PLSCR2: variants seen among roughly 807,000 people sequenced by gnomAD.
PLSCR2 encodes phospholipid scramblase 2.
A neutral mutation model predicts 25.3 loss-of-function variants in PLSCR2; 18 were observed. The observed-to-expected ratio is 0.71, with a 90% CI of 0.49 to 1.06. PLSCR2 has a LOEUF of 1.06. Ranked by LOEUF, PLSCR2 falls within the 50% of genes least tolerant of loss-of-function variation. The pLI is 0.00. For synonymous variants in PLSCR2, 88 were observed against 87.3 expected, an observed-to-expected ratio of 1.01 and a Z score of -0.04; for missense variants, 243 against 269.5, an observed-to-expected ratio of 0.90 and a Z score of 0.69.
At chr3:146,479,896 A>G (rs112290799) in intron 1 of PLSCR2, among the ~76,000 whole-genome samples, 6,397 of 152,338 alleles carry the variant, frequency 0.042, 195 homozygotes, top group Admixed American at 0.089. Flanking sequence ...CTCTCAGACC[A>G]CAGTACAATC....
At chr3:146,411,992 CAAGTTA>C (rs1416076713) in intron 2 of PLSCR2, among the ~76,000 whole-genome samples, 1 of 151,274 alleles carries the variant, frequency 6.6e-6, no homozygotes, top group Non-Finnish European at 1.5e-5. Flanking sequence ...TCAGCTTGCA[CAAGTTA>C]AGTCCTTGAG....
chr3:146,408,282 A>C (rs970249922), intron 2 of PLSCR2, among the ~76,000 whole-genome samples: 1 of 152,090 alleles, frequency 6.6e-6, no homozygotes, highest in Admixed American at 6.5e-5. Flanking sequence ...CCTTTTTAGC[A>C]ACTCCTTGGC....
At chr3:146,485,832 G>T (rs1277247639) in intron 1 of PLSCR2, among the ~76,000 whole-genome samples, 1 of 152,064 alleles carries the variant, frequency 6.6e-6, no homozygotes, top group East Asian at 1.9e-4. Context: ...ATGGCGGAAG[G>T]CAAGGAGGAG....
chr3:146,407,279 A>G (rs986514563), intron 2 of PLSCR2, among the ~76,000 whole-genome samples: 2 of 152,172 alleles, frequency 1.3e-5, no homozygotes, highest in East Asian at 3.9e-4. Flanking sequence ...ATCAGACCTT[A>G]TGGTAGCAGG....
In PLSCR2 at chr3:146,403,759, C is replaced by T. The variant is rs140850472; in HGVS notation, c.101-7838G>A. On this transcript the variant is annotated intron_variant and NMD_transcript_variant, in intron 2 of 3. Coordinates refer to the PLSCR2 transcript ENST00000463633. ...AAAACCCGATTTATTTCTCACAGTT[C>T]TAGAGGCTTGGAAGTCCAAAGCTGA... is the stretch of plus-strand genomic sequence containing the variant. 9.9e-3 allele frequency among the ~76,000 whole-genome samples: 1,513 copies of T among 152,178 alleles called. 20 individuals carry two copies. The highest frequency in any genetic ancestry group is 0.024 in the African/African-American group (1,012 of 41,508).
chr3:146,458,453 T>C (rs750218329), exon 3 of PLSCR2: 2 of 1,456,930 alleles, frequency 1.4e-6, no homozygotes, highest in Admixed American at 2.2e-5. Context: ...ATCATATCTA[T>C]CTATTATAGT....
At chr3:146,447,102 C>G (rs1449742397) in intron 6 of PLSCR2, among the ~76,000 whole-genome samples, 1 of 152,188 alleles carries the variant, frequency 6.6e-6, no homozygotes, top group Admixed American at 6.5e-5. Flanking sequence ...GGGCTCCCCC[C>G]TGGCCCAGCA....
At chr3:146,424,414 T>TG (rs1247641367) in intron 2 of PLSCR2, among the ~76,000 whole-genome samples, 10 of 152,082 alleles carry the variant, frequency 6.6e-5, no homozygotes, top group African/African-American at 2.4e-4. Flanking sequence ...ATATGAATTT[T>TG]TGGGGGACAC....
intron 1 of PLSCR2, among the ~76,000 whole-genome samples, chr3:146,472,152 A>C (rs2042138958): frequency 6.6e-6 from 1 of 152,172 alleles, no homozygotes; most frequent in African/African-American, 2.4e-5. Flanking sequence ...AGTCATTTGA[A>C]ATTTTTAAGA....
intron 2 of PLSCR2, among the ~76,000 whole-genome samples, chr3:146,417,101 C>T (rs921535706): frequency 2.6e-5 from 4 of 152,144 alleles, no homozygotes; most frequent in African/African-American, 7.2e-5. Flanking sequence ...GAATGCATCT[C>T]TATGGAGCCA....
chr3:146,412,668 G>A (rs997956227), intron 2 of PLSCR2, among the ~76,000 whole-genome samples: 34 of 152,226 alleles, frequency 2.2e-4, no homozygotes, highest in African/African-American at 7.5e-4. Flanking sequence ...GGTGTGACTC[G>A]TGGATAGAGC....
At chr3:146,400,278 A>G (rs7628445) in intron 2 of PLSCR2, among the ~76,000 whole-genome samples, 79,602 of 151,396 alleles carry the variant, frequency 0.53, 21,188 homozygotes, top group South Asian at 0.71. Flanking sequence ...GTAATTTTTG[A>G]CAAGGTCAGA....
At chr3:146,433,457 G>T (rs1359556801) in exon 9 of PLSCR2, 1 of 152,064 alleles carries the variant, frequency 6.6e-6, no homozygotes, top group Non-Finnish European at 1.5e-5. Flanking sequence ...CACAGTAGAA[G>T]AAGGAAGGAA....
intron 2 of PLSCR2, among the ~76,000 whole-genome samples, chr3:146,399,617 AAT>A (rs1296226810): frequency 1.3e-5 from 2 of 151,774 alleles, no homozygotes; most frequent in Non-Finnish European, 3.0e-5. Flanking sequence ...GTTTCTCCTG[AAT>A]ATACTTCCAT....
chr3:146,401,053 G>A (rs79426677), intron 2 of PLSCR2, among the ~76,000 whole-genome samples: 1,946 of 152,004 alleles, frequency 0.013, 44 homozygotes, highest in African/African-American at 0.045. Flanking sequence ...GTTTCTATAG[G>A]AAACACGAGG....
chr3:146,449,282 T>A, exon 6 of PLSCR2: 4 of 1,612,228 alleles, frequency 2.5e-6, no homozygotes, highest in Non-Finnish European at 3.4e-6. Flanking sequence ...TCCAAAGTTG[T>A]CAGCATCAGT....
chr3:146,458,006 C>T (rs957284601), intron 3 of PLSCR2, among the ~76,000 whole-genome samples: 8 of 152,118 alleles, frequency 5.3e-5, no homozygotes, highest in African/African-American at 1.9e-4. Context: ...AACCTCCTCC[C>T]GTATTATTTA....
chr3:146,438,625 T>C (rs576488442), downstream of PLSCR2, among the ~76,000 whole-genome samples: 8 of 152,336 alleles, frequency 5.3e-5, no homozygotes. Flanking sequence ...TCCATTTGCT[T>C]GGTAGATCTT....
chr3:146,430,494 G>A (rs893529610), downstream of PLSCR2, among the ~76,000 whole-genome samples: 1 of 152,112 alleles, frequency 6.6e-6, no homozygotes, highest in African/African-American at 2.4e-5. Context: ...GCACTTAATT[G>A]TGCCCAGAGA....
Sources: allele counts gnomAD v4.1 joint callset (sites outside exome capture counted in the v4.1 genomes callset), GRCh38; gene constraint gnomAD v4.1.1; transcripts MANE v1.5; gene names NCBI Gene and HGNC (gene_info 2026-07-23, HGNC 2026-07-21).